ZNF385B: variants seen among roughly 807,000 people sequenced by gnomAD.
ZNF385B encodes the protein zinc finger protein 385B, also known as zinc finger protein 533.
ZNF385B carries 23 observed loss-of-function variants against 39.2 expected under a neutral mutation model. That is an observed-to-expected ratio of 0.59 (90% CI 0.42 to 0.83). ZNF385B has a LOEUF of 0.83. Among genes scored for constraint, ZNF385B ranks in the 40% least tolerant of loss-of-function variants. The pLI is 0.00. For missense variants in ZNF385B, 552 were observed against 598.9 expected (o/e 0.92, Z 0.82); for synonymous variants, 205 against 222.6 (o/e 0.92, Z 0.70).
chr2:179,829,037 A>G lies in ZNF385B; in HGVS notation c.-155+32064T>C, dbSNP rs368690596. 2.6e-5 allele frequency among the ~76,000 whole-genome samples: 4 copies of G among 152,256 alleles called. No homozygotes were observed. In the East Asian group the frequency reaches 5.8e-4, roughly 22 times the overall value. On this transcript the variant is annotated intron_variant, in intron 1 of 9. Coordinates refer to ENST00000410066, the MANE Select transcript of ZNF385B (RefSeq NM_152520.6). ...AGGATGGGATGGATTAAAAAAAAAA[A>G]AAGTTTTAAGAGAGCACAACTATTT...
chr2:179,446,682 G>C lies in ZNF385B; in HGVS notation c.804C>G (p.Pro268=). The change falls in exon 7 of 10, where the codon CCC becomes CCG. Residue 268 remains proline, a synonymous_variant. Coordinates refer to ENST00000410066, the MANE Select transcript of ZNF385B (RefSeq NM_152520.6). ...GSFLLKSGTT[P]LPPGAATSPS... ...GAGAAGTGGCTGCTCCAGGTGGCAG[G>C]GGTGTTGTGCCAGATTTGAGGAGAA... The C allele has an allele frequency of 6.2e-7, 1 of 1,614,076 alleles. No homozygotes were observed. Among genetic ancestry groups the C allele is most frequent in the Non-Finnish European group, 8.5e-7 (1 of 1,179,998 alleles).
chr2:179,826,344 C>A (rs545656547), intron 1 of ZNF385B, among the ~76,000 whole-genome samples: 1 of 152,274 alleles, frequency 6.6e-6, no homozygotes, highest in South Asian at 2.1e-4. Context: ...CATGCAAGAG[C>A]TTTGATGCCC....
At chr2:179,682,780 T>A (rs967941689) in intron 3 of ZNF385B, among the ~76,000 whole-genome samples, 6 of 152,086 alleles carry the variant, frequency 3.9e-5, no homozygotes, top group South Asian at 2.1e-4. Context: ...AGACATTTTT[T>A]AAAAATTGAC....
chr2:179,858,672 C>T (rs1037363707), intron 1 of ZNF385B, among the ~76,000 whole-genome samples: 3 of 151,730 alleles, frequency 2.0e-5, no homozygotes, highest in African/African-American at 4.8e-5. Flanking sequence ...AATGAAACGG[C>T]GTGGAGGGGT....
chr2:179,457,520 A>G (rs560505636), intron 6 of ZNF385B, among the ~76,000 whole-genome samples: 28 of 152,300 alleles, frequency 1.8e-4, no homozygotes, highest in African/African-American at 6.7e-4. Flanking sequence ...CAATTGTTTC[A>G]CATCTTGTCT....
chr2:179,844,063 C>T (rs561066837), intron 1 of ZNF385B, among the ~76,000 whole-genome samples: 138 of 152,284 alleles, frequency 9.1e-4, no homozygotes, highest in African/African-American at 2.9e-3. Context: ...GTACAATGAG[C>T]CCATACTCCT....
intron 1 of ZNF385B, among the ~76,000 whole-genome samples, chr2:179,790,611 C>A (rs1416025891): frequency 6.6e-6 from 1 of 152,206 alleles, no homozygotes; most frequent in African/African-American, 2.4e-5. Flanking sequence ...GATGTAAAGA[C>A]TTCTAAGCCA....
At chr2:179,814,557 T>C (rs1706940764) in intron 1 of ZNF385B, 16 of 787,950 alleles carry the variant, frequency 2.0e-5, no homozygotes, top group South Asian at 2.0e-4. Flanking sequence ...CAAGATTAAC[T>C]GGGCCATGGA....
intron 1 of ZNF385B, among the ~76,000 whole-genome samples, chr2:179,819,348 A>T (rs1422186646): frequency 3.9e-5 from 6 of 151,982 alleles, no homozygotes; most frequent in Non-Finnish European, 8.8e-5. Context: ...TGGAATCTTT[A>T]AGTGCCTGGA....
intron 1 of ZNF385B, among the ~76,000 whole-genome samples, chr2:179,855,087 T>C (rs557603366): frequency 6.6e-6 from 1 of 152,068 alleles, no homozygotes. Flanking sequence ...TATTTTCAGA[T>C]GTGTACAGAA....
intron 3 of ZNF385B, among the ~76,000 whole-genome samples, chr2:179,690,787 C>T (rs770030085): frequency 2.0e-5 from 3 of 152,180 alleles, no homozygotes; most frequent in Non-Finnish European, 4.4e-5. Context: ...TGAAATCATG[C>T]TTGCTCACAG....
chr2:179,593,547 A>C (rs992275639), intron 3 of ZNF385B, among the ~76,000 whole-genome samples: 1 of 152,172 alleles, frequency 6.6e-6, no homozygotes. Flanking sequence ...GCGTAGAACA[A>C]TTACTTAAAT....
chr2:179,713,526 A>T (rs953751189), intron 3 of ZNF385B, among the ~76,000 whole-genome samples: 1 of 152,068 alleles, frequency 6.6e-6, no homozygotes, highest in Non-Finnish European at 1.5e-5. Flanking sequence ...TCTCCCTGCT[A>T]TTTATTCTAA....
chr2:179,683,072 C>G (rs539486354), intron 3 of ZNF385B, among the ~76,000 whole-genome samples: 1 of 152,246 alleles, frequency 6.6e-6, no homozygotes, highest in East Asian at 1.9e-4. Context: ...AAGTCCCCCA[C>G]AGTCACACAT....
intron 3 of ZNF385B, among the ~76,000 whole-genome samples, chr2:179,740,165 A>G (rs566631519): frequency 6.6e-6 from 1 of 152,276 alleles, no homozygotes; most frequent in East Asian, 1.9e-4. Context: ...ACTTGCTGGA[A>G]GGAAGGGAGA....
intron 3 of ZNF385B, among the ~76,000 whole-genome samples, chr2:179,613,644 T>A (rs933814043): frequency 6.6e-6 from 1 of 152,004 alleles, no homozygotes; most frequent in South Asian, 2.1e-4. Context: ...CAAAAGAAAG[T>A]CCTCTTTACT....
intron 3 of ZNF385B, among the ~76,000 whole-genome samples, chr2:179,630,414 T>G (rs1691091204): frequency 6.6e-6 from 1 of 152,152 alleles, no homozygotes; most frequent in Non-Finnish European, 1.5e-5. Flanking sequence ...TGCCAACAGA[T>G]CTGCAGCTGA....
intron 3 of ZNF385B, among the ~76,000 whole-genome samples, chr2:179,698,539 T>A (rs141353294): frequency 8.1e-4 from 123 of 152,324 alleles, no homozygotes; most frequent in African/African-American, 2.8e-3. Context: ...CAAGGGCAAC[T>A]ACTTCTTCAT....
At chr2:179,859,635 A>G (rs1002645439) in intron 1 of ZNF385B, among the ~76,000 whole-genome samples, 4 of 152,236 alleles carry the variant, frequency 2.6e-5, no homozygotes, top group African/African-American at 7.2e-5. Context: ...AGCTTCCTCA[A>G]ATCACTTTTG....
Sources: allele counts gnomAD v4.1 joint callset (sites outside exome capture counted in the v4.1 genomes callset), GRCh38; gene constraint gnomAD v4.1.1; transcripts MANE v1.5; gene names NCBI Gene and HGNC (gene_info 2026-07-23, HGNC 2026-07-21).